Variants in RBFOX1 observed in about 807,000 individuals in gnomAD.
RBFOX1 encodes RNA binding fox-1 homolog 1, also known as RNA binding protein fox-1 homolog 1.
Under a neutral mutation model 57.7 loss-of-function variants are expected in RBFOX1, and 8 were observed. The observed-to-expected ratio is 0.14, with a 90% CI of 0.08 to 0.25. The LOEUF (loss-of-function observed/expected upper bound fraction) is 0.25. RBFOX1 is among the 10% of genes least tolerant of loss of function. The probability of loss-of-function intolerance (pLI) is 1.00; values close to 1 mark genes in which losing one functional copy is unlikely to be tolerated. For synonymous variants in RBFOX1, 326 were observed against 222.4 expected, an observed-to-expected ratio of 1.47 and a Z score of -4.15; for missense variants, 611 against 548.5, an observed-to-expected ratio of 1.11 and a Z score of -1.14.
At chr16:7,307,133 C>A (rs529792227) in intron 4 of RBFOX1, among the ~76,000 whole-genome samples, 1 of 152,140 alleles carries the variant, frequency 6.6e-6, no homozygotes, top group Non-Finnish European at 1.5e-5. Flanking sequence ...AGAAAGTAAT[C>A]AACCCACATT....
At chr16:7,433,433 G>C (rs562316096) in intron 4 of RBFOX1, among the ~76,000 whole-genome samples, 23 of 152,302 alleles carry the variant, frequency 1.5e-4, no homozygotes, top group African/African-American at 5.3e-4. Context: ...AAGTCTAATA[G>C]GGGATAATGA....
At chr16:5,242,233 C>T (rs1333928503) in intron 1 of RBFOX1, among the ~76,000 whole-genome samples, 2 of 152,132 alleles carry the variant, frequency 1.3e-5, no homozygotes, top group South Asian at 2.1e-4. Context: ...ATTTAAAAGG[C>T]AGAAACCCCA....
intron 2 of RBFOX1, among the ~76,000 whole-genome samples, chr16:6,615,873 C>T (rs1253623919): frequency 1.3e-5 from 2 of 152,176 alleles, no homozygotes; most frequent in Non-Finnish European, 2.9e-5. Context: ...CGTTTCCTTG[C>T]TCGCGAATCC....
chr16:5,350,050 C>G (rs961752520), intron 1 of RBFOX1, among the ~76,000 whole-genome samples: 4 of 152,250 alleles, frequency 2.6e-5, no homozygotes, highest in African/African-American at 7.2e-5. Flanking sequence ...AGAACTGGCG[C>G]TTGCGTGAGA....
intron 2 of RBFOX1, among the ~76,000 whole-genome samples, chr16:5,579,744 A>G (rs2046597169): frequency 6.7e-6 from 1 of 150,244 alleles, no homozygotes; most frequent in Non-Finnish European, 1.5e-5. Flanking sequence ...TGCCCAGTTA[A>G]TTCTTTTCTT....
intron 2 of RBFOX1, among the ~76,000 whole-genome samples, chr16:5,531,778 A>G (rs572706081): frequency 6.6e-6 from 1 of 151,448 alleles, no homozygotes; most frequent in South Asian, 2.1e-4. Context: ...AGATAGGTCA[A>G]AGGGACATGA....
intron 4 of RBFOX1, among the ~76,000 whole-genome samples, chr16:6,007,153 A>G (rs957192606): frequency 2.0e-5 from 3 of 152,216 alleles, no homozygotes; most frequent in Non-Finnish European, 4.4e-5. Context: ...TGGTATCTGC[A>G]GTCTGTGTAA....
intron 3 of RBFOX1, among the ~76,000 whole-genome samples, chr16:6,860,724 A>G (rs901198532): frequency 6.6e-6 from 1 of 152,172 alleles, no homozygotes; most frequent in African/African-American, 2.4e-5. Flanking sequence ...AATAAATTAG[A>G]TCTCTGTGTG....
intron 4 of RBFOX1, among the ~76,000 whole-genome samples, chr16:7,217,993 T>TGC (rs1389110428): frequency 5.9e-5 from 9 of 151,734 alleles, no homozygotes; most frequent in Non-Finnish European, 1.2e-4. Context: ...TGTGCATGTG[T>TGC]GCACGTGCAT....
chr16:6,280,921 GCAGATCTGCATGCTAGCAATGC>G (rs2152697991), intron 1 of RBFOX1, among the ~76,000 whole-genome samples: 1 of 150,000 alleles, frequency 6.7e-6, no homozygotes, highest in East Asian at 2.1e-4. Context: ...CATCTCCAAA[GCAGATCTGCATGCTAGCAATGC>G]TAGCAACATA....
At chr16:6,927,722 A>ATCTCTG (rs918175178) in intron 3 of RBFOX1, among the ~76,000 whole-genome samples, 10 of 151,796 alleles carry the variant, frequency 6.6e-5, no homozygotes, top group African/African-American at 2.4e-4. Context: ...AAGGCTGATT[A>ATCTCTG]TAAGTCAGTG....
chr16:6,243,405 C>G (rs912735923), intron 1 of RBFOX1, among the ~76,000 whole-genome samples: 1 of 152,046 alleles, frequency 6.6e-6, no homozygotes, highest in Non-Finnish European at 1.5e-5. Flanking sequence ...CCAATAATGC[C>G]TGTTATAAGT....
intron 2 of RBFOX1, among the ~76,000 whole-genome samples, chr16:6,488,473 C>A (rs927665647): frequency 3.9e-5 from 6 of 152,150 alleles, no homozygotes; most frequent in African/African-American, 1.4e-4. Context: ...CGAGGAGCTC[C>A]TGTGTATTTT....
chr16:5,916,587 T>G (rs937008257), intron 4 of RBFOX1, among the ~76,000 whole-genome samples: 3 of 152,140 alleles, frequency 2.0e-5, no homozygotes, highest in African/African-American at 7.2e-5. Context: ...GGTCCTCCAC[T>G]GCTTCCCAGC....
intron 2 of RBFOX1, among the ~76,000 whole-genome samples, chr16:5,499,832 C>G (rs1329139093): frequency 6.6e-6 from 1 of 152,146 alleles, no homozygotes; most frequent in Non-Finnish European, 1.5e-5. Flanking sequence ...CTTGGCCTCC[C>G]AAAGTGTTGG....
chr16:7,615,793 C>T (rs142607809), intron 10 of RBFOX1, among the ~76,000 whole-genome samples: 1,623 of 152,240 alleles, frequency 0.011, 26 homozygotes, highest in African/African-American at 0.037. Flanking sequence ...CGCTTCAAAA[C>T]ACCCTGCAAT....
At chr16:6,500,347 C>T (rs752180522) in intron 2 of RBFOX1, among the ~76,000 whole-genome samples, 5 of 152,138 alleles carry the variant, frequency 3.3e-5, no homozygotes, top group Non-Finnish European at 5.9e-5. Flanking sequence ...CATGGATGCA[C>T]GTGTGCACAT....
At chr16:7,455,439 A>T (rs946660504) in intron 4 of RBFOX1, among the ~76,000 whole-genome samples, 31 of 152,278 alleles carry the variant, frequency 2.0e-4, no homozygotes, top group African/African-American at 7.2e-4. Flanking sequence ...AGTTGTTTGC[A>T]AGAAAATATT....
intron 4 of RBFOX1, among the ~76,000 whole-genome samples, chr16:7,211,332 C>T (rs925307273): frequency 2.1e-5 from 3 of 141,720 alleles, no homozygotes; most frequent in Non-Finnish European, 3.0e-5. Flanking sequence ...GCGGAGCTTG[C>T]AGTGAGCCGA....
Sources: gnomAD v4.1 joint callset for allele counts (sites outside exome capture counted in the v4.1 genomes callset) on GRCh38, gnomAD v4.1.1 for gene constraint, MANE v1.5 for transcripts, NCBI Gene and HGNC (gene_info 2026-07-23, HGNC 2026-07-21) for gene names.